VWC2: variants seen among roughly 807,000 people sequenced by gnomAD.
The protein encoded by VWC2 is brorin.
Under a neutral mutation model 29.8 loss-of-function variants are expected in VWC2, and 14 were observed. The observed-to-expected ratio is 0.47, with a 90% confidence interval of 0.31 to 0.74. VWC2 has a LOEUF of 0.74. VWC2 is among the 30% of genes least tolerant of loss of function. The pLI, the probability that VWC2 is intolerant of heterozygous loss-of-function variation, is 0.05. For missense variants in VWC2, 457 were observed against 459.8 expected (o/e 0.99, Z 0.05); for synonymous variants, 213 against 199.0 (o/e 1.07, Z -0.59).
intron 3 of VWC2, among the ~76,000 whole-genome samples, chr7:49,885,771 T>C (rs977697051): frequency 3.9e-5 from 6 of 152,290 alleles, no homozygotes; most frequent in Admixed American, 1.3e-4. Context: ...GATTTATGAG[T>C]GCAGGTGCTT....
At chr7:49,850,935 C>T (rs1276768382) in intron 3 of VWC2, among the ~76,000 whole-genome samples, 1 of 152,224 alleles carries the variant, frequency 6.6e-6, no homozygotes, top group Non-Finnish European at 1.5e-5. Flanking sequence ...GCTCCATTAG[C>T]TCCCTGGGGC....
At chr7:49,774,433 CG>C (rs1194333093) in intron 1 of VWC2, among the ~76,000 whole-genome samples, 1 of 152,214 alleles carries the variant, frequency 6.6e-6, no homozygotes, top group African/African-American at 2.4e-5. Context: ...TGCGGCGTCT[CG>C]GGCTCTCCCA....
At chr7:49,776,504 G>A (rs1054319625) in intron 2 of VWC2, among the ~76,000 whole-genome samples, 2 of 152,154 alleles carry the variant, frequency 1.3e-5, no homozygotes, top group South Asian at 2.1e-4. Flanking sequence ...GGTAATTTAC[G>A]GTACCATTTG....
Position 49,783,744 on chromosome 7 carries a change from A to G in VWC2, c.696+7613A>G, listed in dbSNP as rs916187074. Among the ~76,000 whole-genome samples, 5 of 152,230 alleles carry G rather than the reference A, an allele frequency of 3.3e-5. No individual in the cohort carries two copies. In the South Asian group the frequency reaches 1.0e-3, roughly 31 times the overall value. Reference sequence around the variant, plus strand: ...AAGCCTTAGGCCTGTGGAAAAGCATAGAGCTTGAAAATTAAAACTCCATGG... The same window carrying G: ...AAGCCTTAGGCCTGTGGAAAAGCATGGAGCTTGAAAATTAAAACTCCATGG... On this transcript the variant is annotated intron_variant, in intron 2 of 3. Coordinates refer to ENST00000340652, the MANE Select transcript of VWC2 (RefSeq NM_198570.5).
At chr7:49,858,581 C>T (rs1330995822) in intron 3 of VWC2, among the ~76,000 whole-genome samples, 3 of 150,310 alleles carry the variant, frequency 2.0e-5, no homozygotes, top group African/African-American at 7.4e-5. Context: ...GGAGGGATAG[C>T]ATTAGGAGAT....
At chr7:49,812,171 G>A (rs183236154) in intron 3 of VWC2, among the ~76,000 whole-genome samples, 1 of 152,104 alleles carries the variant, frequency 6.6e-6, no homozygotes, top group Non-Finnish European at 1.5e-5. Context: ...GAGATTAGTC[G>A]CAAATCATCA....
chr7:49,781,621 A>T (rs1178728949), intron 2 of VWC2, among the ~76,000 whole-genome samples: 1 of 152,150 alleles, frequency 6.6e-6, no homozygotes, highest in Non-Finnish European at 1.5e-5. Flanking sequence ...GACTCTGAAG[A>T]TCGTGCATAG....
At chr7:49,909,796 G>T (rs1583816778) in intron 3 of VWC2, among the ~76,000 whole-genome samples, 1 of 152,170 alleles carries the variant, frequency 6.6e-6, no homozygotes, top group African/African-American at 2.4e-5. Context: ...TGTCTGAACA[G>T]GGGACAAGAA....
At chr7:49,875,954 T>A (rs1236503999) in intron 3 of VWC2, among the ~76,000 whole-genome samples, 1 of 152,066 alleles carries the variant, frequency 6.6e-6, no homozygotes, top group Non-Finnish European at 1.5e-5. Context: ...GAAGAATGAG[T>A]CGAAGAAATT....
chr7:49,847,979 C>G (rs1161138274), intron 3 of VWC2, among the ~76,000 whole-genome samples: 1 of 152,178 alleles, frequency 6.6e-6, no homozygotes, highest in East Asian at 1.9e-4. Flanking sequence ...GGCTCAATGT[C>G]AAAGCATTAG....
rs1181075646 is a variant in VWC2, at chr7:49,917,159, T to G, written c.*4974T>G. 1 of 152,202 alleles carries G rather than the reference T, an allele frequency of 6.6e-6. No homozygotes were observed. Among genetic ancestry groups the G allele is most frequent in the East Asian group, 1.9e-4 (1 of 5,202 alleles). 9.4% of individuals were successfully genotyped at this position (152,202 alleles called of 1,614,324 possible). A position where few individuals can be genotyped will look rare whatever the true frequency, so the allele number is the denominator to read the frequency against. On this transcript the variant is annotated 3_prime_UTR_variant, in exon 4 of 4. Transcript: ENST00000340652. ...GTAGGTATCTAGTGAACTGATACAA[T>G]AATGAGCTGAGTCATTTGTACAGAA... is the stretch of plus-strand genomic sequence containing the variant.
intron 3 of VWC2, among the ~76,000 whole-genome samples, chr7:49,863,777 T>C (rs1419072487): frequency 6.6e-6 from 1 of 152,180 alleles, no homozygotes; most frequent in African/African-American, 2.4e-5. Context: ...ATCTGTATTA[T>C]TTCCTTCCTC....
intron 3 of VWC2, among the ~76,000 whole-genome samples, chr7:49,889,497 A>T (rs1029140751): frequency 6.6e-6 from 1 of 152,236 alleles, no homozygotes; most frequent in Admixed American, 6.5e-5. Flanking sequence ...GGCAGCTAAG[A>T]CATTGAAATG....
At chr7:49,816,471 A>G (rs1583647182) in intron 3 of VWC2, among the ~76,000 whole-genome samples, 2 of 152,318 alleles carry the variant, frequency 1.3e-5, no homozygotes, top group Admixed American at 1.3e-4. Flanking sequence ...GGGAGATCAA[A>G]AGTTTAAGAA....
At chr7:49,802,337 T>C (rs1261736252) in intron 2 of VWC2, among the ~76,000 whole-genome samples, 1 of 150,618 alleles carries the variant, frequency 6.6e-6, no homozygotes, top group Non-Finnish European at 1.5e-5. Flanking sequence ...GCAGAAAGTT[T>C]AGGGAAAGAA....
chr7:49,775,589 T>C lies in VWC2; in HGVS notation c.154T>C (p.Ser52Pro). ...QPGQEKREHA[S>P]RDGPGRVNEL... is the part of the protein sequence containing the mutation. Reference sequence around the variant, plus strand: ...GGGCCAGGAGAAGCGTGAGCACGCCTCTCGGGACGGCCCGGGGCGGGTGAA... The same window carrying C: ...GGGCCAGGAGAAGCGTGAGCACGCCCCTCGGGACGGCCCGGGGCGGGTGAA... Residue 52 changes from serine (S) to proline (P), a missense_variant, in exon 2 of 4, where the codon TCT becomes CCT. Ser to Pro is a moderately conservative substitution (Grantham distance 74). Transcript: ENST00000340652. 1 of 1,537,308 alleles carries C rather than the reference T, an allele frequency of 6.5e-7. No individual in the cohort carries two copies. Among genetic ancestry groups the C allele is most frequent in the Non-Finnish European group, 8.7e-7 (1 of 1,144,112 alleles).
Position 49,844,328 on chromosome 7 carries a change from G to T in VWC2, c.826+41488G>T, listed in dbSNP as rs564990504. On this transcript the variant is annotated intron_variant, in intron 3 of 3. Coordinates refer to ENST00000340652, the MANE Select transcript of VWC2 (RefSeq NM_198570.5). ...CACTGCAGTATTTACATTTGGAAAT[G>T]TCATTAAGTTACTAAACTTTCCATT... 1.6e-4 allele frequency among the ~76,000 whole-genome samples: 25 copies of T among 152,342 alleles called. No individual in the cohort carries two copies. The South Asian group carries it at 3.5e-3, about 21-fold the overall frequency.
chr7:49,833,519 T>G (rs1789583016), intron 3 of VWC2, among the ~76,000 whole-genome samples: 1 of 152,126 alleles, frequency 6.6e-6, no homozygotes, highest in South Asian at 2.1e-4. Context: ...TTACAGATAT[T>G]TATGAGATAA....
chr7:49,906,373 C>T (rs1198015655), intron 3 of VWC2, among the ~76,000 whole-genome samples: 3 of 152,004 alleles, frequency 2.0e-5, no homozygotes, highest in Non-Finnish European at 4.4e-5. Context: ...CTTGCTCTGT[C>T]GCCCAGGCTG....
Sources: allele counts gnomAD v4.1 joint callset (sites outside exome capture counted in the v4.1 genomes callset), GRCh38; gene constraint gnomAD v4.1.1; transcripts MANE v1.5; gene names NCBI Gene and HGNC (gene_info 2026-07-23, HGNC 2026-07-21).